Variants in ZNF551 observed in about 807,000 individuals in gnomAD.
ZNF551 encodes the protein KOX 23 protein (56 AA).
Under a neutral mutation model 7.9 loss-of-function variants are expected in ZNF551, and 5 were observed. The observed-to-expected ratio is 0.63, with a 90% confidence interval of 0.33 to 1.33. The LOEUF is 1.33. Among genes scored for constraint, ZNF551 ranks in the 40% most tolerant of loss-of-function variants. The pLI is 0.05. For missense variants in ZNF551, 788 were observed against 825.2 expected, an observed-to-expected ratio of 0.95 and a Z score of 0.55; for synonymous variants, 287 against 277.3, an observed-to-expected ratio of 1.03 and a Z score of -0.35.
At position 57,686,630 on chromosome 19, in the gene ZNF551, G is replaced by C. The variant is rs377055514; in HGVS notation, c.355G>C (p.Ala119Pro). 1.1e-5 allele frequency: 17 copies of C among 1,614,072 alleles called. No homozygotes were observed. The highest frequency in any genetic ancestry group is 1.4e-5 in the Non-Finnish European group (16 of 1,180,050). The part of the protein sequence containing the change: ...CVPVLKDILP[A>P]AEHQTTSPVQ... The stretch of plus-strand genomic sequence containing the variant: ...CCCAGTCTTGAAAGACATTTTGCCT[G>C]CGGCTGAGCACCAAACCACATCCCC... Residue 119 changes from alanine to proline, a missense_variant, in exon 3 of 3, where the codon GCG becomes CCG. Coordinates refer to ENST00000282296, the MANE Select transcript of ZNF551 (RefSeq NM_138347.5).
At position 57,688,193 on chromosome 19, in the gene ZNF551, G is replaced by T. The variant is rs1410089389; in HGVS notation, c.1918G>T (p.Glu640Ter). ...TCAGCACCAAAGAGTTCACACTGGAGAAAGGCCTTATGAATGCAGTGAATG... is the reference window on the plus strand; with the variant it reads ...TCAGCACCAAAGAGTTCACACTGGATAAAGGCCTTATGAATGCAGTGAATG... ...LIQHQRVHTG[E>*]RPYECSECGK... Residue 640 changes from glutamate to a stop codon, truncating the protein, a stop_gained, in exon 3 of 3, where the codon GAA becomes TAA. Coordinates refer to ENST00000282296, the MANE Select transcript of ZNF551 (RefSeq NM_138347.5). LOFTEE classifies it low-confidence loss of function (END_TRUNC). 1 of 1,614,210 alleles carries T rather than the reference G, an allele frequency of 6.2e-7. No homozygotes were observed. Among genetic ancestry groups the T allele is most frequent in the South Asian group, 1.1e-5 (1 of 91,088 alleles).
rs1226086000 is a variant in ZNF551, at chr19:57,688,062, T to C, written c.1787T>C (p.Phe596Ser). The C allele has an allele frequency of 5.0e-6, 8 of 1,614,110 alleles. No individual in the cohort carries two copies. Among genetic ancestry groups the C allele is most frequent in the Non-Finnish European group, 6.8e-6 (8 of 1,180,006 alleles). ...GAATGTAGTGAATGTGGGAAATCCT[T>C]TAGCCAGAGCTCTAGCCTCATTCAA... is the stretch of plus-strand genomic sequence containing the variant. Reference protein sequence around the residue: ...PYECSECGKSFSQSSSLIQHQ... With the variant: ...PYECSECGKSSSQSSSLIQHQ... Residue 596 changes from phenylalanine (F) to serine (S), a missense_variant, in exon 3 of 3, where the codon TTT becomes TCT. Phe to Ser is a radical substitution (Grantham distance 155). Transcript: ENST00000282296.
chr19:57,687,677 A>G lies in ZNF551; in HGVS notation c.1402A>G (p.Ile468Val). 6.2e-7 allele frequency: 1 copy of G among 1,614,152 alleles called. No homozygotes were observed. Among genetic ancestry groups the G allele is most frequent in the East Asian group, 2.2e-5 (1 of 44,860 alleles). Residue 468 changes from isoleucine to valine, a missense_variant, in exon 3 of 3, where the codon ATT (isoleucine) becomes GTT (valine). Physicochemically the swap from Ile to Val is conservative, Grantham distance 29 (BLOSUM62 3). Transcript: ENST00000282296. The stretch of plus-strand genomic sequence containing the variant: ...CTCTAACCTCATTCGACACCGCAGC[A>G]TTCACACTGGTGATAGGCCTTATGA... ...QFSNLIRHRSIHTGDRPYECS... is the reference protein window; with the variant it reads ...QFSNLIRHRSVHTGDRPYECS...
At position 57,689,056 on chromosome 19, in the gene ZNF551, A is replaced by C. The variant is rs1984682211; in HGVS notation, c.*768A>C. The C allele has an allele frequency of 6.6e-6, 1 of 152,218 alleles. No individual in the cohort carries two copies. Among genetic ancestry groups the C allele is most frequent in the East Asian group, 1.9e-4 (1 of 5,194 alleles). The allele number at this position is 152,218 out of a possible 1,614,324, so 9.4% of individuals were successfully genotyped here. On this transcript the variant is annotated 3_prime_UTR_variant, in exon 3 of 3. Coordinates refer to ENST00000282296, the MANE Select transcript of ZNF551 (RefSeq NM_138347.5). ...AATTGGCCTGCTGCCCAAGGCCTCA[A>C]AGTAAAGACTGCCAGGCTTTGTGTT...
chr19:57,682,816 C>CT (rs1984433247), intron 1 of ZNF551, among the ~76,000 whole-genome samples: 1 of 152,156 alleles, frequency 6.6e-6, no homozygotes, highest in Admixed American at 6.5e-5. Flanking sequence ...CTCGTCTAGC[C>CT]TTGGGCCCTG....
At chr19:57,686,447 AGCAT>A in intron 2 of ZNF551, 30 bp from the exon 3 acceptor site, 1 of 1,589,092 alleles carries the variant, frequency 6.3e-7, no homozygotes, top group Non-Finnish European at 8.6e-7. Context: ...CATGAAAGTC[AGCAT>A]GCATTTCATC....
chr19:57,686,721 A>G lies in ZNF551; in HGVS notation c.446A>G (p.Gln149Arg), dbSNP rs1201802492. 6.2e-7 allele frequency: 1 copy of G among 1,614,116 alleles called. No individual in the cohort carries two copies. Among genetic ancestry groups the G allele is most frequent in the Non-Finnish European group, 8.5e-7 (1 of 1,180,056 alleles). Reference sequence around the variant, plus strand: ...TTCTGCTTCAGTGCTGACCTTCACCAGCATCAAAAGCATTACAATGAAGAA... The same window carrying G: ...TTCTGCTTCAGTGCTGACCTTCACCGGCATCAAAAGCATTACAATGAAGAA... ...RGFCFSADLH[Q>R]HQKHYNEEEP... is the part of the protein sequence containing the mutation. The change falls in exon 3 of 3, where the codon CAG (glutamine) becomes CGG (arginine). Residue 149 changes from glutamine (Q) to arginine (R), a missense_variant. Physicochemically the swap from Gln to Arg is conservative, Grantham distance 43. Coordinates refer to ENST00000282296, the MANE Select transcript of ZNF551 (RefSeq NM_138347.5).
rs201814536 is a variant in ZNF551, at chr19:57,686,585, A to C, written c.310A>C (p.Ser104Arg). 200 of 1,614,118 alleles carry C rather than the reference A, an allele frequency of 1.2e-4. No homozygotes were observed. The highest frequency in any genetic ancestry group is 6.6e-4 in the Middle Eastern group (4 of 6,084). Residue 104 changes from serine to arginine, a missense_variant, in exon 3 of 3, where the codon AGT becomes CGT. Coordinates refer to ENST00000282296, the MANE Select transcript of ZNF551 (RefSeq NM_138347.5). ...TACACCCACCCAGAAAACTCACCTCAGTGAGATTAAGATGTGTGTCCCAGT... is the reference window on the plus strand; with the variant it reads ...TACACCCACCCAGAAAACTCACCTCCGTGAGATTAAGATGTGTGTCCCAGT... ...GNTPTQKTHL[S>R]EIKMCVPVLK...
chr19:57,685,216 T>G (rs1311990725), intron 1 of ZNF551, 46 bp from the exon 2 acceptor site: 16 of 1,604,396 alleles, frequency 1.0e-5, no homozygotes, highest in Non-Finnish European at 1.3e-5. Flanking sequence ...AAGAGGATAA[T>G]GAACTCCGGG....
chr19:57,688,833 A>G lies in ZNF551; in HGVS notation c.*545A>G. On this transcript the variant is annotated 3_prime_UTR_variant, in exon 3 of 3. Coordinates refer to ENST00000282296, the MANE Select transcript of ZNF551 (RefSeq NM_138347.5). ...TGCTTGGTGCACATTGCTTTAATTTATAATGTTTTTATAAAGGTTTTAAAA... is the reference window on the plus strand; with the variant it reads ...TGCTTGGTGCACATTGCTTTAATTTGTAATGTTTTTATAAAGGTTTTAAAA... 1 of 154,498 alleles carries G rather than the reference A, an allele frequency of 6.5e-6. No homozygotes were observed. Among genetic ancestry groups the G allele is most frequent in the East Asian group, 1.9e-4 (1 of 5,202 alleles). 9.6% of individuals were successfully genotyped at this position (154,498 alleles called of 1,614,324 possible). A position where few individuals can be genotyped will look rare whatever the true frequency, so the allele number is the denominator to read the frequency against.
chr19:57,686,611 C>G lies in ZNF551; in HGVS notation c.336C>G (p.Val112=). 4.3e-6 allele frequency: 7 copies of G among 1,614,206 alleles called. No homozygotes were observed. The South Asian group carries it at 7.7e-5, about 18-fold the overall frequency. The change falls in exon 3 of 3, where the codon GTC becomes GTG. Residue 112 remains valine, a synonymous_variant. Transcript: ENST00000282296. ...HLSEIKMCVP[V]LKDILPAAEH... ...GTGAGATTAAGATGTGTGTCCCAGT[C>G]TTGAAAGACATTTTGCCTGCGGCTG...
At chr19:57,686,362 T>G in intron 2 of ZNF551, 119 bp from the exon 3 acceptor site, 1 of 1,377,146 alleles carries the variant, frequency 7.3e-7, no homozygotes, top group South Asian at 1.4e-5. Context: ...CCTCCCCAGT[T>G]CCGTTGTTCT....
chr19:57,685,480 AT>A, intron 2 of ZNF551, 95 bp downstream of exon 2: 1 of 1,583,384 alleles, frequency 6.3e-7, no homozygotes, highest in Non-Finnish European at 8.7e-7. Context: ...AGTGGATCTT[AT>A]TTTTCTTGTC....
chr19:57,682,085 C>A lies in ZNF551; in HGVS notation c.-79C>A. 1.4e-6 allele frequency: 2 copies of A among 1,458,276 alleles called. No individual in the cohort carries two copies. The highest frequency in any genetic ancestry group is 2.5e-5 in the South Asian group (2 of 79,238). The allele number at this position is 1,458,276 out of a possible 1,614,324, so 90.3% of individuals were successfully genotyped here. A position where few individuals can be genotyped will look rare whatever the true frequency, so the allele number is the denominator to read the frequency against. On this transcript the variant is annotated 5_prime_UTR_variant, in exon 1 of 3. Coordinates refer to ENST00000282296, the MANE Select transcript of ZNF551 (RefSeq NM_138347.5). ...CGACTGAGGGACGGGACAGAGAAGT[C>A]GCGAAAGTGGGCCAGAGGTTCTGCG...
In ZNF551 at chr19:57,682,205, G is replaced by A. The variant is rs760094954; in HGVS notation, c.42G>A (p.Arg14=). Residue 14 remains arginine, a synonymous_variant, in exon 1 of 3, where the codon CGG becomes CGA. Coordinates refer to ENST00000282296, the MANE Select transcript of ZNF551 (RefSeq NM_138347.5). Reference sequence around the variant, plus strand: ...GCCGCCGCTCCCCGCCTAGTCCACGGAGCTCAATGGCGGCAGTCGCGCTGA... The same window carrying A: ...GCCGCCGCTCCCCGCCTAGTCCACGAAGCTCAATGGCGGCAGTCGCGCTGA... ...PVGRRSPPSP[R]SSMAAVALRD... 2.8e-5 allele frequency: 43 copies of A among 1,550,408 alleles called. No individual in the cohort carries two copies. The highest frequency in any genetic ancestry group is 3.5e-5 in the Non-Finnish European group (40 of 1,146,958).
rs753452696 is a variant in ZNF551 at position 57,686,631 on chromosome 19, C to A, written c.356C>A (p.Ala119Glu). Residue 119 changes from alanine to glutamate, a missense_variant, in exon 3 of 3, where the codon GCG becomes GAG. By Grantham distance (107) the Ala-to-Glu change is moderately radical. Transcript: ENST00000282296. ...CVPVLKDILP[A>E]AEHQTTSPVQ... ...CCAGTCTTGAAAGACATTTTGCCTG[C>A]GGCTGAGCACCAAACCACATCCCCT... 6.2e-7 allele frequency: 1 copy of A among 1,614,058 alleles called. No homozygotes were observed. The highest frequency in any genetic ancestry group is 1.3e-5 in the African/African-American group (1 of 74,920).
intron 1 of ZNF551, among the ~76,000 whole-genome samples, chr19:57,683,831 G>C (rs978195973): frequency 2.0e-5 from 3 of 152,128 alleles, no homozygotes; most frequent in Non-Finnish European, 4.4e-5. Flanking sequence ...AGGCATAGGA[G>C]TTAGACAGGA....
Position 57,687,027 on chromosome 19 carries a change from A to G in ZNF551, c.752A>G (p.Tyr251Cys), listed in dbSNP as rs375030698. 6.2e-7 allele frequency: 1 copy of G among 1,614,250 alleles called. No individual in the cohort carries two copies. ...AGTGTCTGTTCTGAAGGAGGGCTTT[A>G]TGAGTGTAGCAAATGTGAGAAAGCC... ...HQSVCSEGGL[Y>C]ECSKCEKAFT... Residue 251 changes from tyrosine (Y) to cysteine (C), a missense_variant, in exon 3 of 3, where the codon TAT (tyrosine) becomes TGT (cysteine). Coordinates refer to ENST00000282296, the MANE Select transcript of ZNF551 (RefSeq NM_138347.5).
Position 57,688,484 on chromosome 19 carries a change from C to A in ZNF551, c.*196C>A. On this transcript the variant is annotated 3_prime_UTR_variant, in exon 3 of 3. Coordinates refer to ENST00000282296, the MANE Select transcript of ZNF551 (RefSeq NM_138347.5). ...CCTATAGCCTGATTTATGTCACTGC[C>A]AATTTCTGAGGCTGAAGCCATTTCA... 1 of 737,272 alleles carries A rather than the reference C, an allele frequency of 1.4e-6. No individual in the cohort carries two copies. The highest frequency in any genetic ancestry group is 2.1e-6 in the Non-Finnish European group (1 of 469,336). 45.7% of individuals were successfully genotyped at this position (737,272 alleles called of 1,614,324 possible).
Sources: allele counts gnomAD v4.1 joint callset (sites outside exome capture counted in the v4.1 genomes callset), GRCh38; gene constraint gnomAD v4.1.1; transcripts MANE v1.5; gene names NCBI Gene and HGNC (gene_info 2026-07-23, HGNC 2026-07-21).